SOX5: variants seen among roughly 807,000 people sequenced by gnomAD.
The protein encoded by SOX5 is SRY-box transcription factor 5, also known as transcription factor SOX-5.
A neutral mutation model predicts 92.0 loss-of-function variants in SOX5; 9 were observed. That is an observed-to-expected ratio of 0.10 (90% confidence interval 0.06 to 0.17). SOX5 has a LOEUF of 0.17. Among genes scored for constraint, SOX5 ranks in the 10% least tolerant of loss-of-function variants. The pLI is 1.00. For missense variants in SOX5, 642 were observed against 944.5 expected (o/e 0.68, Z 4.20); for synonymous variants, 344 against 336.3 (o/e 1.02, Z -0.25).
rs546315214 is a variant in SOX5, at chr12:23,947,701, G to GA, written c.38+1862dup. Among the ~76,000 whole-genome samples the GA allele has an allele frequency of 6.1e-3, 857 of 140,046 alleles. 9 individuals are homozygous for GA. The highest frequency in any genetic ancestry group is 0.02 in the African/African-American group (754 of 38,332). 91.9% of individuals were successfully genotyped at this position (140,046 alleles called of 152,430 possible). A position where few individuals can be genotyped will look rare whatever the true frequency, so the allele number is the denominator to read the frequency against. ...TAGTTAGAAAAGCATGCCTCTGGGT[G>GA]AAAAAAAAAAATGAAATTCCCACCA... On this transcript the variant is annotated intron_variant, in intron 1 of 14. Coordinates refer to ENST00000451604, the MANE Select transcript of SOX5 (RefSeq NM_006940.6).
At position 24,456,127 on chromosome 12, in the gene SOX5, G is replaced by C. The variant is rs147843633; in HGVS notation, c.-250-87488C>G. 3.4e-3 allele frequency among the ~76,000 whole-genome samples: 517 copies of C among 152,246 alleles called. 3 individuals are homozygous for C. The highest frequency in any genetic ancestry group is 0.012 in the African/African-American group (479 of 41,534). On this transcript the variant is annotated intron_variant, in intron 1 of 4. Coordinates refer to the SOX5 transcript ENST00000446891. ...CCCAGCCCAAGAGACTTCACAATGAGAGTGGCTGGAGGGCAACATAGAGAT... is the reference window on the plus strand; with the variant it reads ...CCCAGCCCAAGAGACTTCACAATGACAGTGGCTGGAGGGCAACATAGAGAT...
At chr12:24,130,357 G>A (rs1351760522) in intron 4 of SOX5, among the ~76,000 whole-genome samples, 3 of 152,244 alleles carry the variant, frequency 2.0e-5, no homozygotes, top group South Asian at 2.1e-4. Context: ...GAAATATATT[G>A]ACAGAGAACA....
chr12:24,099,336 G>T (rs1009635016), intron 4 of SOX5, among the ~76,000 whole-genome samples: 4 of 152,154 alleles, frequency 2.6e-5, no homozygotes, highest in African/African-American at 4.8e-5. Context: ...TTATTATTGG[G>T]ATCAACAGCC....
At chr12:23,613,727 T>C (rs2076231148) in intron 8 of SOX5, among the ~76,000 whole-genome samples, 1 of 152,112 alleles carries the variant, frequency 6.6e-6, no homozygotes, top group Non-Finnish European at 1.5e-5. Context: ...GGATAAACCT[T>C]AAAGGTATTA....
At position 23,741,055 on chromosome 12, in the gene SOX5, C is replaced by A; in HGVS notation, c.569-16G>T. 2 of 1,538,506 alleles carry A rather than the reference C, an allele frequency of 1.3e-6. No individual in the cohort carries two copies. The highest frequency in any genetic ancestry group is 1.8e-6 in the Non-Finnish European group (2 of 1,136,770). ...TCGGGAGTCCCTACAAATCATATAG[C>A]AATAAAACAGACAAAATAAATGAAA... is the stretch of plus-strand genomic sequence containing the variant. On this transcript the variant is annotated splice_polypyrimidine_tract_variant and intron_variant, in intron 4 of 14. Coordinates refer to ENST00000451604, the MANE Select transcript of SOX5 (RefSeq NM_006940.6).
chr12:24,293,431 C>T (rs1946837948), intron 2 of SOX5, among the ~76,000 whole-genome samples: 1 of 152,140 alleles, frequency 6.6e-6, no homozygotes, highest in Non-Finnish European at 1.5e-5. Flanking sequence ...GTTAAATAAA[C>T]TATTACATTC....
intron 2 of SOX5, among the ~76,000 whole-genome samples, chr12:24,299,927 C>T (rs984188513): frequency 6.6e-6 from 1 of 152,086 alleles, no homozygotes; most frequent in Non-Finnish European, 1.5e-5. Flanking sequence ...AAAGAGGCCA[C>T]AACAACCCTT....
Position 23,874,764 on chromosome 12 carries a change from C to T in SOX5, c.270+21029G>A, listed in dbSNP as rs73267708. On this transcript the variant is annotated intron_variant, in intron 2 of 14. Transcript: ENST00000451604. ...AGGGATATTTAAACCTGAACCGGGACTGGGGAAGTCCTGAGAGAAAGGATT... is the reference window on the plus strand; with the variant it reads ...AGGGATATTTAAACCTGAACCGGGATTGGGGAAGTCCTGAGAGAAAGGATT... Among the ~76,000 whole-genome samples, 614 of 152,220 alleles carry T rather than the reference C, an allele frequency of 4.0e-3. 2 individuals carry two copies. Among genetic ancestry groups the T allele is most frequent in the African/African-American group, 0.014 (584 of 41,514 alleles).
At chr12:23,850,920 C>A (rs997819669) in intron 2 of SOX5, among the ~76,000 whole-genome samples, 2 of 152,028 alleles carry the variant, frequency 1.3e-5, no homozygotes, top group Non-Finnish European at 2.9e-5. Context: ...TTCATAGTTC[C>A]AGTTATGAAC....
rs76814981 is a variant in SOX5, at chr12:24,021,739, G to A, written c.-1-125715C>T. ...TTCACTGGAGTGCTTAACGAAGTACGCTTTGTCAGAGAGATGCTCATCATC... is the reference window on the plus strand; with the variant it reads ...TTCACTGGAGTGCTTAACGAAGTACACTTTGTCAGAGAGATGCTCATCATC... On this transcript the variant is annotated intron_variant, in intron 4 of 4. Transcript: ENST00000446891. 7.1e-3 allele frequency among the ~76,000 whole-genome samples: 1,079 copies of A among 152,256 alleles called. 5 individuals carry two copies. Among genetic ancestry groups the A allele is most frequent in the South Asian group, 0.011 (51 of 4,826 alleles).
At chr12:24,383,590 AT>A (rs1457512181) in intron 1 of SOX5, among the ~76,000 whole-genome samples, 1 of 152,048 alleles carries the variant, frequency 6.6e-6, no homozygotes, top group Non-Finnish European at 1.5e-5. Flanking sequence ...TGTCCAGCAA[AT>A]CCCCACTGTC....
intron 4 of SOX5, among the ~76,000 whole-genome samples, chr12:24,207,422 G>T (rs541456263): frequency 6.6e-6 from 1 of 151,752 alleles, no homozygotes; most frequent in South Asian, 2.1e-4. Context: ...ATATAATAAG[G>T]GTGCCTGTCA....
chr12:23,769,041 GT>G (rs1303441747), intron 3 of SOX5, among the ~76,000 whole-genome samples: 5 of 151,980 alleles, frequency 3.3e-5, no homozygotes, highest in Non-Finnish European at 7.4e-5. Flanking sequence ...CATACAGTAG[GT>G]ATCAATGTAT....
intron 6 of SOX5, among the ~76,000 whole-genome samples, chr12:23,723,553 T>C (rs1321147019): frequency 1.6e-5 from 2 of 125,824 alleles, no homozygotes; most frequent in Non-Finnish European, 3.4e-5. Flanking sequence ...CGGTGGTAAT[T>C]AGAGGAGAAA....
chr12:24,058,504 C>G (rs1175224274), intron 4 of SOX5, among the ~76,000 whole-genome samples: 1 of 152,096 alleles, frequency 6.6e-6, no homozygotes, highest in Non-Finnish European at 1.5e-5. Flanking sequence ...TGTTTTTATA[C>G]TAAATACAAC....
At chr12:23,548,063 C>T (rs749368052) in intron 11 of SOX5, among the ~76,000 whole-genome samples, 19 of 151,960 alleles carry the variant, frequency 1.3e-4, no homozygotes, top group Non-Finnish European at 2.4e-4. Context: ...TGATAGTCCT[C>T]GGGTCAATGA....
chr12:24,553,642 G>A (rs1953443925), intron 1 of SOX5, among the ~76,000 whole-genome samples: 2 of 152,212 alleles, frequency 1.3e-5, no homozygotes, highest in Admixed American at 6.5e-5. Context: ...AGGCAGCAGA[G>A]TATTTCGAAA....
intron 4 of SOX5, among the ~76,000 whole-genome samples, chr12:24,103,055 A>G (rs1946270377): frequency 6.6e-6 from 1 of 152,218 alleles, no homozygotes; most frequent in Admixed American, 6.5e-5. Context: ...GGGGAAGACA[A>G]TTTCGGATTG....
intron 9 of SOX5, among the ~76,000 whole-genome samples, chr12:23,577,680 G>C (rs985189792): frequency 1.3e-5 from 2 of 151,874 alleles, no homozygotes; most frequent in Non-Finnish European, 2.9e-5. Flanking sequence ...ATTCAAATTA[G>C]CAATCTTCTA....
Sources: gnomAD v4.1 joint callset for allele counts (sites outside exome capture counted in the v4.1 genomes callset) on GRCh38, gnomAD v4.1.1 for gene constraint, MANE v1.5 for transcripts, NCBI Gene and HGNC (gene_info 2026-07-23, HGNC 2026-07-21) for gene names.